ATXN7: variants seen among roughly 807,000 people sequenced by gnomAD.
ATXN7 encodes ataxin 7, also known as ataxin-7.
In ATXN7, 12 loss-of-function variants were observed where a neutral mutation model predicts 70.5. That is an observed-to-expected ratio of 0.17 (90% CI 0.11 to 0.28). The LOEUF is 0.28. ATXN7 is among the 10% of genes least tolerant of loss of function. The pLI is 1.00. For synonymous variants in ATXN7, 498 were observed against 448.7 expected, an observed-to-expected ratio of 1.11 and a Z score of -1.39; for missense variants, 1,256 against 1,131.7, an observed-to-expected ratio of 1.11 and a Z score of -1.58.
chr3:63,983,662 C>T (rs988954311), intron 8 of ATXN7, among the ~76,000 whole-genome samples: 2 of 151,962 alleles, frequency 1.3e-5, no homozygotes, highest in Non-Finnish European at 2.9e-5. Flanking sequence ...TATATACAAG[C>T]TAAGAAAATG....
At chr3:63,896,045 A>G (rs543530109) in intron 1 of ATXN7, among the ~76,000 whole-genome samples, 5 of 152,244 alleles carry the variant, frequency 3.3e-5, no homozygotes, top group African/African-American at 1.2e-4. Flanking sequence ...TCGTGTGTCC[A>G]GCTTTGACAA....
At chr3:63,915,205 G>A (rs1021300597) in intron 4 of ATXN7, among the ~76,000 whole-genome samples, 19 of 152,130 alleles carry the variant, frequency 1.2e-4, no homozygotes, top group Admixed American at 9.2e-4. Context: ...AAAGTGCTGG[G>A]ATTACAGGTG....
Position 63,995,817 on chromosome 3 carries a change from C to T in ATXN7, c.1995C>T (p.Ser665=). Residue 665 remains serine, a synonymous_variant, in exon 12 of 13, where the codon TCC becomes TCT. Transcript: ENST00000674280. ...TPSGLSSVPS[S]PMSRKPQKLK... ...CTGGCCTTTCCTCGGTTCCTTCCTC[C>T]CCCATGTCCAGGAAACCTCAGAAAT... 1 of 1,614,240 alleles carries T rather than the reference C, an allele frequency of 6.2e-7. No homozygotes were observed. Among genetic ancestry groups the T allele is most frequent in the Non-Finnish European group, 8.5e-7 (1 of 1,180,050 alleles).
chr3:63,901,668 AGTGTTT>A (rs1320189696), intron 2 of ATXN7: 1 of 152,190 alleles, frequency 6.6e-6, no homozygotes, highest in East Asian at 1.9e-4. Context: ...CCTGGCCTCA[AGTGTTT>A]CTCCCACCTT....
Position 63,996,316 on chromosome 3 carries a change from C to G in ATXN7, c.2494C>G (p.Leu832Val), listed in dbSNP as rs779420552. The G allele has an allele frequency of 1.9e-6, 3 of 1,614,148 alleles. No individual in the cohort carries two copies. The highest frequency in any genetic ancestry group is 2.5e-6 in the Non-Finnish European group (3 of 1,180,020). ...FSHSHTPLDKLIGKKRKCSPS... is the reference protein window; with the variant it reads ...FSHSHTPLDKVIGKKRKCSPS... ...CCACTCACACACTCCTCTAGACAAA[C>G]TCATAGGAAAGAAAAGAAAGTGCTC... Residue 832 changes from leucine to valine, a missense_variant, in exon 12 of 13, where the codon CTC (leucine) becomes GTC (valine). Coordinates refer to ENST00000674280, the MANE Select transcript of ATXN7 (RefSeq NM_001377405.1).
In ATXN7 at chr3:63,913,152, C is replaced by T. The variant is rs751466255; in HGVS notation, c.326-5C>T. The T allele has an allele frequency of 1.1e-5, 17 of 1,613,464 alleles. No homozygotes were observed. Among genetic ancestry groups the T allele is most frequent in the Non-Finnish European group, 1.4e-5 (16 of 1,179,676 alleles). On this transcript the variant is annotated splice_polypyrimidine_tract_variant and splice_region_variant and intron_variant, in intron 3 of 12. Transcript: ENST00000674280. The stretch of plus-strand genomic sequence containing the variant: ...CCCCTCCTCCTGTGTGTGTATATCT[C>T]CTAGGGACAGAATTGGACGAAAGTT...
intron 11 of ATXN7, chr3:63,991,116 G>A (rs2075664624): frequency 6.4e-6 from 3 of 467,014 alleles, no homozygotes; most frequent in African/African-American, 5.8e-5. Flanking sequence ...GATTGGGTAA[G>A]GGGAGAAAAA....
Position 63,987,804 on chromosome 3 carries a change from T to C in ATXN7, c.1096-255T>C, listed in dbSNP as rs931446161. 2.0e-5 allele frequency among the ~76,000 whole-genome samples: 3 copies of C among 152,066 alleles called. No individual in the cohort carries two copies. In the South Asian group the frequency reaches 6.2e-4, roughly 32 times the overall value. On this transcript the variant is annotated intron_variant, in intron 8 of 12. Transcript: ENST00000674280. ...TTAGTTACATACCAGGTGTCACCGC[T>C]CACATATCTTTTTTCTTCTGATGGA...
rs1320278308 is a variant in ATXN7, at chr3:63,863,925, C to A, written c.-344C>A. The A allele has an allele frequency of 6.5e-6, 5 of 773,902 alleles. No homozygotes were observed. The highest frequency in any genetic ancestry group is 7.9e-6 in the Non-Finnish European group (5 of 631,290). The allele number at this position is 773,902 out of a possible 1,614,324, so 47.9% of individuals were successfully genotyped here. A position where few individuals can be genotyped will look rare whatever the true frequency, so the allele number is the denominator to read the frequency against. On this transcript the variant is annotated 5_prime_UTR_variant, in exon 1 of 13. It introduces an in-frame stop codon into an upstream open reading frame of the 5' UTR. Coordinates refer to ENST00000674280, the MANE Select transcript of ATXN7 (RefSeq NM_001377405.1). Reference sequence around the variant, plus strand: ...AGGCGGCGGCGCCCGCGGCCGCCTGCTCCGACGCCTGAGCCGCGCCGCGCC... The same window carrying A: ...AGGCGGCGGCGCCCGCGGCCGCCTGATCCGACGCCTGAGCCGCGCCGCGCC...
At chr3:63,997,627 T>A (rs1232591961) in intron 12 of ATXN7, 1 of 1,551,942 alleles carries the variant, frequency 6.4e-7, no homozygotes, top group South Asian at 1.2e-5. Context: ...TCAGGATATC[T>A]CCTCACCTTG....
intron 1 of ATXN7, among the ~76,000 whole-genome samples, chr3:63,879,637 G>A (rs938163707): frequency 2.0e-5 from 3 of 151,866 alleles, no homozygotes; most frequent in South Asian, 2.1e-4. Flanking sequence ...GATTACAGGC[G>A]TGTGCCACCA....
chr3:63,961,438 C>T (rs943867573), intron 5 of ATXN7, among the ~76,000 whole-genome samples: 2 of 152,142 alleles, frequency 1.3e-5, no homozygotes, highest in Admixed American at 6.5e-5. Context: ...AGTATTTTAG[C>T]ATATTGATTC....
chr3:63,977,462 C>T (rs1429670075), intron 5 of ATXN7, among the ~76,000 whole-genome samples: 1 of 152,164 alleles, frequency 6.6e-6, no homozygotes, highest in Non-Finnish European at 1.5e-5. Context: ...CTGTCTTCTT[C>T]ATATCACAGA....
At chr3:63,978,885 T>C (rs1236818043) in intron 5 of ATXN7, among the ~76,000 whole-genome samples, 1 of 152,220 alleles carries the variant, frequency 6.6e-6, no homozygotes, top group African/African-American at 2.4e-5. Context: ...GTCTTACTTG[T>C]GGTCATTGAT....
chr3:63,978,844 A>G (rs920016103), intron 5 of ATXN7, among the ~76,000 whole-genome samples: 4 of 152,246 alleles, frequency 2.6e-5, no homozygotes, highest in Admixed American at 6.5e-5. Flanking sequence ...CAGGACTGCT[A>G]TAAGAAGATC....
At chr3:63,922,001 A>G (rs1199614463) in intron 4 of ATXN7, among the ~76,000 whole-genome samples, 1 of 152,146 alleles carries the variant, frequency 6.6e-6, no homozygotes, top group East Asian at 1.9e-4. Context: ...AGAGTGTAGC[A>G]AATGAACCGC....
chr3:63,912,378 G>C (rs1704059387), intron 2 of ATXN7, among the ~76,000 whole-genome samples: 1 of 151,426 alleles, frequency 6.6e-6, no homozygotes, highest in Admixed American at 6.6e-5. Flanking sequence ...CGCGGGAGTC[G>C]AAAGCGAAAG....
chr3:63,972,352 TTG>T (rs1410861051), intron 5 of ATXN7, among the ~76,000 whole-genome samples: 10 of 152,212 alleles, frequency 6.6e-5, no homozygotes, highest in African/African-American at 2.4e-4. Context: ...TATGGGATGT[TTG>T]TGGAATGGAG....
intron 2 of ATXN7, among the ~76,000 whole-genome samples, chr3:63,903,488 T>C (rs1438232188): frequency 6.6e-6 from 1 of 152,182 alleles, no homozygotes. Flanking sequence ...TTCTTTCGTT[T>C]GGACCATTAC....
Sources: gnomAD v4.1 joint callset for allele counts (sites outside exome capture counted in the v4.1 genomes callset) on GRCh38, gnomAD v4.1.1 for gene constraint, MANE v1.5 for transcripts, NCBI Gene and HGNC (gene_info 2026-07-23, HGNC 2026-07-21) for gene names.